The following CRADD variants were observed in gnomAD, a reference collection of about 807,000 sequenced individuals.
CRADD encodes the protein CARD and death domain containing adaptor protein.
CRADD carries 9 observed loss-of-function variants against 15.5 expected under a neutral mutation model. The observed-to-expected ratio is 0.58, with a 90% CI of 0.35 to 1.01. The LOEUF is 1.01. Ranked by LOEUF, CRADD falls within the 50% of genes least tolerant of loss-of-function variation. CRADD has a pLI of 0.02. For synonymous variants in CRADD, 118 were observed against 107.6 expected (o/e 1.10, Z -0.60); for missense variants, 227 against 250.3 (o/e 0.91, Z 0.63).
chr12:93,864,121 C>T (rs1958342616), intron 2 of CRADD, among the ~76,000 whole-genome samples: 1 of 152,200 alleles, frequency 6.6e-6, no homozygotes, highest in Non-Finnish European at 1.5e-5. Flanking sequence ...CAGGCACAGT[C>T]ATAGCTTACT....
chr12:93,798,694 G>A (rs1221773076), intron 2 of CRADD, among the ~76,000 whole-genome samples: 2 of 152,296 alleles, frequency 1.3e-5, no homozygotes, highest in Non-Finnish European at 1.5e-5. Context: ...GAACTGCCAA[G>A]CCACAGCTGT....
At position 93,850,123 on chromosome 12, in the gene CRADD, A is replaced by G. The variant is rs1593044044; in HGVS notation, c.452A>G (p.Asn151Ser). ...SQTDIYRCKA[N>S]HPHNVQSQVV... ...ACGGATATCTACCGCTGTAAGGCCA[A>G]CCACCCCCACAACGTGCAGTCGCAG... Residue 151 changes from asparagine to serine, a missense_variant, in exon 3 of 3, where the codon AAC becomes AGC. Transcript: ENST00000332896. The surrounding 1 kb of genome is among the most constrained non-coding windows in gnomAD (Gnocchi z 4.0). 3 of 1,614,120 alleles carry G rather than the reference A, an allele frequency of 1.9e-6. No individual in the cohort carries two copies. Among genetic ancestry groups the G allele is most frequent in the Non-Finnish European group, 8.5e-7 (1 of 1,179,994 alleles).
At chr12:93,841,794 A>G (rs1461610343) in intron 2 of CRADD, among the ~76,000 whole-genome samples, 1 of 152,156 alleles carries the variant, frequency 6.6e-6, no homozygotes, top group Non-Finnish European at 1.5e-5. Context: ...TCTTCTAAAA[A>G]GCGGCTGTGC....
At chr12:93,811,427 GA>G (rs1251185735) in intron 2 of CRADD, among the ~76,000 whole-genome samples, 1 of 152,208 alleles carries the variant, frequency 6.6e-6, no homozygotes, top group African/African-American at 2.4e-5. Context: ...ACATTCAGCA[GA>G]GGCTGGCTAC....
intron 2 of CRADD, among the ~76,000 whole-genome samples, chr12:93,877,486 CCTTAGAAGTCTAT>C (rs1958465540): frequency 6.6e-6 from 1 of 152,228 alleles, no homozygotes; most frequent in Admixed American, 6.5e-5. Flanking sequence ...CAGTCAAAAA[CCTTAGAAGTCTAT>C]CTGGTATTCT....
chr12:93,805,638 C>G lies in CRADD; in HGVS notation c.299-44332C>G, dbSNP rs189876549. Reference sequence around the variant, plus strand: ...CAGCTAACTAACGTAGGAAACCCTCCTTCTCCTTCCCCAACAAGTTGCCTG... The same window carrying G: ...CAGCTAACTAACGTAGGAAACCCTCGTTCTCCTTCCCCAACAAGTTGCCTG... On this transcript the variant is annotated intron_variant, in intron 2 of 2. Transcript: ENST00000332896. 1.3e-3 allele frequency among the ~76,000 whole-genome samples: 204 copies of G among 152,156 alleles called. 2 individuals are homozygous for G. The highest frequency in any genetic ancestry group is 3.9e-4 in the East Asian group (2 of 5,170).
At chr12:93,754,079 CCA>C (rs1956861442) in intron 2 of CRADD, among the ~76,000 whole-genome samples, 1 of 152,228 alleles carries the variant, frequency 6.6e-6, no homozygotes, top group East Asian at 1.9e-4. Flanking sequence ...GTGGAGGTTC[CCA>C]AACCTCAATT....
At chr12:93,886,671 C>T (rs951351703) in intron 2 of CRADD, among the ~76,000 whole-genome samples, 2 of 152,166 alleles carry the variant, frequency 1.3e-5, no homozygotes, top group Non-Finnish European at 2.9e-5. Flanking sequence ...CAAGAATGAG[C>T]AGAGTATGTG....
intron 2 of CRADD, among the ~76,000 whole-genome samples, chr12:93,697,675 G>T (rs2136827812): frequency 1.3e-5 from 2 of 152,274 alleles, no homozygotes; most frequent in Middle Eastern, 6.8e-3. Flanking sequence ...AGTTTTTGCT[G>T]TAGGGGAGGA....
chr12:93,690,164 C>T (rs1313819905), intron 2 of CRADD, among the ~76,000 whole-genome samples: 1 of 152,212 alleles, frequency 6.6e-6, no homozygotes, highest in Non-Finnish European at 1.5e-5. Flanking sequence ...CTGTACCTTC[C>T]TTCCAGATTC....
chr12:93,859,181 G>C (rs1404309544), intron 2 of CRADD: 1 of 395,614 alleles, frequency 2.5e-6, no homozygotes, highest in South Asian at 1.9e-5. Flanking sequence ...CCAGTTACCT[G>C]TTTGCTATAT....
At chr12:93,851,918 C>G (rs1394512239), downstream of CRADD, among the ~76,000 whole-genome samples, 2 of 152,178 alleles carry the variant, frequency 1.3e-5, no homozygotes, top group Non-Finnish European at 2.9e-5. Flanking sequence ...GGATAACATC[C>G]TTTCAGGCAT....
At chr12:93,829,427 G>A (rs1033333161) in intron 2 of CRADD, among the ~76,000 whole-genome samples, 1 of 152,184 alleles carries the variant, frequency 6.6e-6, no homozygotes, top group East Asian at 1.9e-4. Flanking sequence ...TTTCTCATGC[G>A]TGGTAGGAGA....
intron 2 of CRADD, among the ~76,000 whole-genome samples, chr12:93,809,413 T>C (rs1180557373): frequency 2.0e-5 from 3 of 152,154 alleles, no homozygotes; most frequent in Non-Finnish European, 2.9e-5. Context: ...AGATATGGGG[T>C]TCTGGCCCCA....
intron 2 of CRADD, among the ~76,000 whole-genome samples, chr12:93,752,413 A>G (rs1383516798): frequency 6.6e-6 from 1 of 152,202 alleles, no homozygotes; most frequent in Non-Finnish European, 1.5e-5. Context: ...TTTGTCAACT[A>G]CTGAGGCTAT....
chr12:93,813,795 G>A, intron 2 of CRADD, among the ~76,000 whole-genome samples: 1 of 152,066 alleles, frequency 6.6e-6, no homozygotes, highest in Admixed American at 6.6e-5. Context: ...AGCAGGATGA[G>A]CTTAGAGCTG....
intron 2 of CRADD, among the ~76,000 whole-genome samples, chr12:93,698,424 G>GC (rs1406380347): frequency 6.6e-6 from 1 of 152,116 alleles, no homozygotes; most frequent in East Asian, 1.9e-4. Flanking sequence ...ACTTGAAGTA[G>GC]TCTTTTCAAA....
chr12:93,769,719 A>G lies in CRADD; in HGVS notation c.299-80251A>G, dbSNP rs576566794. ...GCTTGTTATAGTCTCTTGTGATTTT[A>G]ATTTGCATTTTCCTGTTGGCTAATG... On this transcript the variant is annotated intron_variant, in intron 2 of 2. Coordinates refer to ENST00000332896, the MANE Select transcript of CRADD (RefSeq NM_003805.5). 2.0e-5 allele frequency among the ~76,000 whole-genome samples: 3 copies of G among 152,246 alleles called. No homozygotes were observed. In the South Asian group the frequency reaches 6.2e-4, roughly 32 times the overall value.
intron 2 of CRADD, among the ~76,000 whole-genome samples, chr12:93,689,802 G>A (rs1955524981): frequency 6.6e-6 from 1 of 152,202 alleles, no homozygotes; most frequent in Non-Finnish European, 1.5e-5. Flanking sequence ...GTCTGTGGGT[G>A]CTGAGTAGTA....
Sources: gnomAD v4.1 joint callset for allele counts (sites outside exome capture counted in the v4.1 genomes callset) on GRCh38, gnomAD v4.1.1 for gene constraint, Gnocchi (gnomAD v3.1) non-coding constraint, MANE v1.5 for transcripts, NCBI Gene and HGNC (gene_info 2026-07-23, HGNC 2026-07-21) for gene names.